NXPH1: variants seen among roughly 807,000 people sequenced by gnomAD.
NXPH1 encodes the protein neurexophilin-1.
Under a neutral mutation model 23.7 loss-of-function variants are expected in NXPH1, and 5 were observed. The observed-to-expected ratio is 0.21, with a 90% CI of 0.11 to 0.44. The LOEUF (loss-of-function observed/expected upper bound fraction) is 0.44, where lower values mean the gene tolerates loss of function less well. Among genes scored for constraint, NXPH1 ranks in the 20% least tolerant of loss-of-function variants. The pLI, the probability that NXPH1 is intolerant of heterozygous loss-of-function variation, is 0.99. For missense variants in NXPH1, 324 were observed against 321.6 expected (o/e 1.01, Z -0.06); for synonymous variants, 144 against 122.2 (o/e 1.18, Z -1.18).
chr7:8,493,088 C>G (rs1472492190), intron 2 of NXPH1, among the ~76,000 whole-genome samples: 9 of 151,986 alleles, frequency 5.9e-5, no homozygotes. Context: ...ATCCACTCTC[C>G]TCTCGACTAT....
chr7:8,505,830 T>A (rs1446853717), intron 2 of NXPH1, among the ~76,000 whole-genome samples: 1 of 152,092 alleles, frequency 6.6e-6, no homozygotes, highest in Non-Finnish European at 1.5e-5. Flanking sequence ...CATGCAGGTG[T>A]TTCTGTGTTC....
chr7:8,751,002 T>G lies in NXPH1; in HGVS notation c.55-6T>G. 1.9e-6 allele frequency: 3 copies of G among 1,612,732 alleles called. No homozygotes were observed. Among genetic ancestry groups the G allele is most frequent in the Non-Finnish European group, 2.5e-6 (3 of 1,178,888 alleles). ...TGTAAATGCCATTTTTCTCTTCTGT[T>G]TTCAGGTCACATGTGCCAATTTAAC... On this transcript the variant is annotated splice_region_variant and splice_polypyrimidine_tract_variant and intron_variant, in intron 2 of 2. Transcript: ENST00000405863. This position sits in a 1 kb window ranked among gnomAD's most constrained non-coding sequence, Gnocchi z 4.5.
intron 2 of NXPH1, among the ~76,000 whole-genome samples, chr7:8,550,511 A>G (rs914170522): frequency 6.6e-6 from 1 of 151,544 alleles, no homozygotes; most frequent in Non-Finnish European, 1.5e-5. Flanking sequence ...AAGTCTTCCC[A>G]TGACTTATTG....
At chr7:8,688,905 T>C (rs536712655) in intron 2 of NXPH1, among the ~76,000 whole-genome samples, 1 of 152,216 alleles carries the variant, frequency 6.6e-6, no homozygotes, top group Non-Finnish European at 1.5e-5. Flanking sequence ...TTGGATACTG[T>C]ATTGTTACAT....
chr7:8,450,828 T>C (rs1816493711), intron 2 of NXPH1, among the ~76,000 whole-genome samples: 1 of 152,262 alleles, frequency 6.6e-6, no homozygotes. Flanking sequence ...GACCCATCAT[T>C]GGCTCAATAG....
At chr7:8,617,467 T>G (rs1819769592) in intron 2 of NXPH1, among the ~76,000 whole-genome samples, 1 of 152,110 alleles carries the variant, frequency 6.6e-6, no homozygotes, top group Non-Finnish European at 1.5e-5. Flanking sequence ...TGGAGTACTA[T>G]TCAGCCATAA....
chr7:8,520,538 T>A (rs1272104695), intron 2 of NXPH1, among the ~76,000 whole-genome samples: 1 of 152,180 alleles, frequency 6.6e-6, no homozygotes, highest in Non-Finnish European at 1.5e-5. Flanking sequence ...AGGGAAGTGC[T>A]TATTGATCCA....
chr7:8,452,473 C>T (rs950223187), intron 2 of NXPH1, among the ~76,000 whole-genome samples: 8 of 152,110 alleles, frequency 5.3e-5, no homozygotes, highest in African/African-American at 1.9e-4. Context: ...GCTAGAATCT[C>T]ATTGACAGCC....
chr7:8,605,775 A>G (rs1819473584), intron 2 of NXPH1, among the ~76,000 whole-genome samples: 1 of 152,110 alleles, frequency 6.6e-6, no homozygotes, highest in Non-Finnish European at 1.5e-5. Context: ...AAATAAGATT[A>G]GGAAGAAAAA....
chr7:8,751,487 G>C lies in NXPH1; in HGVS notation c.534G>C (p.Leu178Phe). The C allele has an allele frequency of 6.2e-7, 1 of 1,613,692 alleles. No homozygotes were observed. The highest frequency in any genetic ancestry group is 8.5e-7 in the Non-Finnish European group (1 of 1,179,826). Reference sequence around the variant, plus strand: ...CTACAAAAATCGTGGAATTTGACTTGGCACAACAAACCGTGATTGATGCCA... The same window carrying C: ...CTACAAAAATCGTGGAATTTGACTTCGCACAACAAACCGTGATTGATGCCA... ...VPPTKIVEFD[L>F]AQQTVIDAKD... Residue 178 changes from leucine (L) to phenylalanine (F), a missense_variant, in exon 3 of 3, where the codon TTG becomes TTC. Leu to Phe is a conservative substitution (Grantham distance 22). Coordinates refer to ENST00000405863, the MANE Select transcript of NXPH1 (RefSeq NM_152745.3). The surrounding 1 kb of genome is among the most constrained non-coding windows in gnomAD (Gnocchi z 4.5).
chr7:8,578,794 A>G (rs1383822455), intron 2 of NXPH1, among the ~76,000 whole-genome samples: 1 of 152,242 alleles, frequency 6.6e-6, no homozygotes, highest in East Asian at 1.9e-4. Context: ...CCAAAGTAAT[A>G]TAAGGACCAA....
intron 2 of NXPH1, among the ~76,000 whole-genome samples, chr7:8,447,049 A>G (rs984282616): frequency 6.6e-6 from 1 of 152,234 alleles, no homozygotes; most frequent in African/African-American, 2.4e-5. Context: ...TCTTAAAAGC[A>G]TAAGCTGGGC....
At chr7:8,669,048 G>A (rs951331089) in intron 2 of NXPH1, among the ~76,000 whole-genome samples, 1 of 152,164 alleles carries the variant, frequency 6.6e-6, no homozygotes, top group Non-Finnish European at 1.5e-5. Flanking sequence ...CTGGAATTTG[G>A]GTCCACAGGG....
chr7:8,570,778 G>A (rs1324780751), intron 2 of NXPH1, among the ~76,000 whole-genome samples: 1 of 151,752 alleles, frequency 6.6e-6, no homozygotes. Flanking sequence ...TTAAAATGTG[G>A]GTCTTTGGAA....
intron 2 of NXPH1, among the ~76,000 whole-genome samples, chr7:8,478,921 C>G (rs1025747497): frequency 2.0e-5 from 3 of 152,038 alleles, no homozygotes; most frequent in African/African-American, 7.2e-5. Flanking sequence ...ATAAAGGGCT[C>G]AGACTATTAT....
intron 2 of NXPH1, among the ~76,000 whole-genome samples, chr7:8,707,513 A>G (rs1779722900): frequency 6.6e-6 from 1 of 152,060 alleles, no homozygotes; most frequent in South Asian, 2.1e-4. Flanking sequence ...GGTTCTCAGT[A>G]TGTATTAATG....
rs993153074 is a variant in NXPH1, at chr7:8,434,095, C to T, written c.-771C>T. 2.0e-5 allele frequency: 3 copies of T among 152,282 alleles called. No individual in the cohort carries two copies. Among genetic ancestry groups the T allele is most frequent in the African/African-American group, 7.2e-5 (3 of 41,468 alleles). The allele number at this position is 152,282 out of a possible 1,614,324, so 9.4% of individuals were successfully genotyped here. A position where few individuals can be genotyped will look rare whatever the true frequency, so the allele number is the denominator to read the frequency against. On this transcript the variant is annotated 5_prime_UTR_variant, in exon 1 of 3. Transcript: ENST00000405863. This position sits in a 1 kb window ranked among gnomAD's most constrained non-coding sequence, Gnocchi z 7.6. ...GCAGCACCAGGGACAGCGCCCGGGACTCCACTGGGGACCGGCTCCTGGGCT... is the reference window on the plus strand; with the variant it reads ...GCAGCACCAGGGACAGCGCCCGGGATTCCACTGGGGACCGGCTCCTGGGCT...
At chr7:8,641,354 C>T (rs1431950767) in intron 2 of NXPH1, among the ~76,000 whole-genome samples, 2 of 148,556 alleles carry the variant, frequency 1.3e-5, no homozygotes, top group East Asian at 2.0e-4. Flanking sequence ...GGATCTCTTC[C>T]CAACTCTGTG....
chr7:8,704,945 G>C (rs897512230), intron 2 of NXPH1, among the ~76,000 whole-genome samples: 3 of 152,066 alleles, frequency 2.0e-5, no homozygotes, highest in African/African-American at 7.2e-5. Flanking sequence ...CTGCCCAAAA[G>C]GACCTGCAAC....
Sources: allele counts gnomAD v4.1 joint callset (sites outside exome capture counted in the v4.1 genomes callset), GRCh38; gene constraint gnomAD v4.1.1; non-coding constraint Gnocchi (gnomAD v3.1); transcripts MANE v1.5; gene names NCBI Gene and HGNC (gene_info 2026-07-23, HGNC 2026-07-21).